The following SEC24B variants were observed in gnomAD, a reference collection of about 807,000 sequenced individuals.
SEC24B encodes SEC24 homolog B, COPII component, also known as protein transport protein Sec24B.
Under a neutral mutation model 142.8 loss-of-function variants are expected in SEC24B, and 45 were observed. That is an observed-to-expected ratio of 0.32 (90% confidence interval 0.25 to 0.40). The LOEUF (loss-of-function observed/expected upper bound fraction) is 0.40, where lower values mean the gene tolerates loss of function less well. SEC24B is among the 10% of genes least tolerant of loss of function. The pLI, the probability that SEC24B is intolerant of heterozygous loss-of-function variation, is 1.00. For synonymous variants in SEC24B, 574 were observed against 568.2 expected (o/e 1.01, Z -0.15); for missense variants, 1,409 against 1,526.8 (o/e 0.92, Z 1.29).
chr4:109,494,670 T>A lies in SEC24B; in HGVS notation c.1302T>A (p.Asp434Glu). ...CTCCTGATCCCGCCCCTGAACCTGA[T>A]CCTGCTTCTGCTCCAGCTCCAGCTT... ...SPAPDPAPEPDPASAPAPASA... is the reference protein window; with the variant it reads ...SPAPDPAPEPEPASAPAPASA... Residue 434 changes from aspartate to glutamate, a missense_variant, in exon 6 of 24, where the codon GAT (aspartate) becomes GAA (glutamate). Physicochemically the swap from Asp to Glu is conservative, Grantham distance 45. Around this residue, in one of 2 missense-constraint regions of SEC24B, gnomAD observed 709 missense variants for 673.5 expected, o/e 1.05. Transcript: ENST00000265175. 6.2e-7 allele frequency: 1 copy of A among 1,614,082 alleles called. No homozygotes were observed. The highest frequency in any genetic ancestry group is 8.5e-7 in the Non-Finnish European group (1 of 1,179,944).
intron 13 of SEC24B, 57 bp from the exon 14 acceptor site, chr4:109,521,363 A>G: frequency 6.9e-7 from 1 of 1,445,840 alleles, no homozygotes; most frequent in South Asian, 1.2e-5. Flanking sequence ...AATGTTTTAA[A>G]ATAAGATTAT....
intron 1 of SEC24B, among the ~76,000 whole-genome samples, chr4:109,441,637 G>T (rs558954359): frequency 1.3e-5 from 2 of 152,232 alleles, no homozygotes; most frequent in East Asian, 3.9e-4. Flanking sequence ...TCACCATGTT[G>T]CCCAGGCTCA....
At chr4:109,482,955 T>TACAC (rs1412883559) in intron 4 of SEC24B, among the ~76,000 whole-genome samples, 1 of 52,588 alleles carries the variant, frequency 1.9e-5, no homozygotes, top group African/African-American at 1.5e-4. Flanking sequence ...TATATATATA[T>TACAC]ATATATATAT....
At chr4:109,516,434 T>C in intron 10 of SEC24B, 94 bp from the exon 11 acceptor site, 1 of 671,030 alleles carries the variant, frequency 1.5e-6, no homozygotes, top group Non-Finnish European at 2.5e-6. Flanking sequence ...TTTTTTGTGT[T>C]AATATATTCA....
intron 7 of SEC24B, among the ~76,000 whole-genome samples, chr4:109,507,695 G>C (rs535056003): frequency 4.7e-4 from 72 of 151,892 alleles, no homozygotes; most frequent in African/African-American, 1.6e-3. Context: ...GCCCAGGCTG[G>C]AGTGCAATAA....
intron 6 of SEC24B, among the ~76,000 whole-genome samples, chr4:109,503,820 ATG>A (rs1736417736): frequency 2.0e-5 from 3 of 151,880 alleles, no homozygotes; most frequent in South Asian, 4.2e-4. Context: ...TTGGTACATA[ATG>A]TAAATAAGTC....
intron 1 of SEC24B, chr4:109,450,866 T>TA (rs1220843335): frequency 6.6e-6 from 1 of 151,896 alleles, no homozygotes; most frequent in Non-Finnish European, 1.5e-5. Context: ...TTGATTTCCT[T>TA]AATTTCCTAT....
At chr4:109,480,959 G>T (rs1733677065) in intron 3 of SEC24B, among the ~76,000 whole-genome samples, 1 of 152,078 alleles carries the variant, frequency 6.6e-6, no homozygotes, top group South Asian at 2.1e-4. Flanking sequence ...TCTGCCTTCT[G>T]TTGGTATATT....
intron 3 of SEC24B, among the ~76,000 whole-genome samples, chr4:109,479,596 AT>A (rs111747197): frequency 4.7e-4 from 69 of 147,060 alleles, no homozygotes; most frequent in East Asian, 1.2e-3. Flanking sequence ...TGCCTGGCTA[AT>A]TTTTTTTTTT....
At chr4:109,485,575 T>C (rs1026266789) in intron 4 of SEC24B, among the ~76,000 whole-genome samples, 2 of 152,238 alleles carry the variant, frequency 1.3e-5, no homozygotes, top group African/African-American at 4.8e-5. Flanking sequence ...AATCTTAGTG[T>C]TCTCTATTAA....
At chr4:109,486,282 C>G (rs759512854) in intron 4 of SEC24B, among the ~76,000 whole-genome samples, 1 of 152,108 alleles carries the variant, frequency 6.6e-6, no homozygotes, top group Non-Finnish European at 1.5e-5. Flanking sequence ...TGAGTTATAG[C>G]CTTTTCATGT....
Position 109,462,991 on chromosome 4 carries a change from C to T in SEC24B, c.224C>T (p.Pro75Leu). Residue 75 changes from proline to leucine, a missense_variant, in exon 2 of 24, where the codon CCT becomes CTT. This residue lies in a region of SEC24B where 709 missense variants were observed against 673.5 expected (regional missense o/e 1.05). Transcript: ENST00000265175. ...IAPSGHYSQG[P>L]GKMTSLPLDT... is the part of the protein sequence containing the mutation. ...CCCTCAGGACATTACTCTCAAGGAC[C>T]TGGGAAAATGACCTCATTGCCATTG... 2 of 1,614,024 alleles carry T rather than the reference C, an allele frequency of 1.2e-6. No homozygotes were observed. The highest frequency in any genetic ancestry group is 1.7e-6 in the Non-Finnish European group (2 of 1,179,994).
intron 4 of SEC24B, among the ~76,000 whole-genome samples, chr4:109,484,750 G>T (rs1383860325): frequency 6.6e-6 from 1 of 151,648 alleles, no homozygotes; most frequent in Admixed American, 6.6e-5. Context: ...TACTCTGGAC[G>T]CTGAGGCAGG....
chr4:109,521,777 G>C (rs1053889348), intron 14 of SEC24B, 151 bp downstream of exon 14: 7 of 653,856 alleles, frequency 1.1e-5, no homozygotes, highest in African/African-American at 9.1e-5. Flanking sequence ...TGTTGCCCAG[G>C]CTGGAGCGCA....
At position 109,524,716 on chromosome 4, in the gene SEC24B, T is replaced by TA. The variant is rs1724031394; in HGVS notation, c.2509-101dup. ...AATGCCTAGACATTTAGAAAACTCT[T>TA]AGTTTGGTAGGGAGGCAGAGGATAT... is the stretch of plus-strand genomic sequence containing the variant. On this transcript the variant is annotated intron_variant, in intron 14 of 23. Transcript: ENST00000265175. 3.9e-6 allele frequency: 4 copies of TA among 1,022,718 alleles called. 1 individual carries two copies. In the Admixed American group the frequency reaches 1.1e-4, roughly 27 times the overall value. 63.4% of individuals were successfully genotyped at this position (1,022,718 alleles called of 1,614,324 possible).
intron 6 of SEC24B, among the ~76,000 whole-genome samples, chr4:109,502,389 T>G (rs944784980): frequency 6.6e-6 from 1 of 152,196 alleles, no homozygotes; most frequent in Non-Finnish European, 1.5e-5. Context: ...GGATTAGAGA[T>G]AGGAGTATTT....
chr4:109,486,530 TTC>T (rs1312063530), intron 4 of SEC24B, among the ~76,000 whole-genome samples: 4 of 152,230 alleles, frequency 2.6e-5, no homozygotes, highest in African/African-American at 9.6e-5. Flanking sequence ...CCCTCTCTTT[TTC>T]TCTTTCCTTT....
chr4:109,504,710 C>T (rs1241171638), intron 6 of SEC24B, among the ~76,000 whole-genome samples: 2 of 152,102 alleles, frequency 1.3e-5, no homozygotes, highest in South Asian at 2.1e-4. Flanking sequence ...ACAGCCTGAT[C>T]CTTTAATTGT....
chr4:109,462,307 T>G (rs1400374610), intron 1 of SEC24B, among the ~76,000 whole-genome samples: 1 of 152,160 alleles, frequency 6.6e-6, no homozygotes. Context: ...AAACAACAAC[T>G]ATTTATTTCA....
Sources: allele counts gnomAD v4.1 joint callset (sites outside exome capture counted in the v4.1 genomes callset), GRCh38; gene constraint gnomAD v4.1.1; regional missense constraint gnomAD v4.1.1; transcripts MANE v1.5; gene names NCBI Gene and HGNC (gene_info 2026-07-23, HGNC 2026-07-21).